The following PHOX2A variants were observed in gnomAD, a reference collection of about 807,000 sequenced individuals.
The protein encoded by PHOX2A is paired mesoderm homeobox protein 2A.
Under a neutral mutation model 16.4 loss-of-function variants are expected in PHOX2A, and 10 were observed. That is an observed-to-expected ratio of 0.61 (90% CI 0.38 to 1.04). The LOEUF (loss-of-function observed/expected upper bound fraction) is 1.04. Among genes scored for constraint, PHOX2A ranks in the 50% least tolerant of loss-of-function variants. The pLI is 0.01. For missense variants in PHOX2A, 361 were observed against 419.4 expected (o/e 0.86, Z 1.22); for synonymous variants, 219 against 203.8 (o/e 1.07, Z -0.64).
At chr11:72,242,596 A>T (rs1452100355) in intron 1 of PHOX2A, among the ~76,000 whole-genome samples, 1 of 151,458 alleles carries the variant, frequency 6.6e-6, no homozygotes. Context: ...CTCCAAATCC[A>T]GGTTCTCATT....
intron 1 of PHOX2A, 138 bp from the exon 2 acceptor site, chr11:72,241,427 G>C: frequency 1.8e-5 from 11 of 621,800 alleles, no homozygotes; most frequent in South Asian, 1.8e-4. Flanking sequence ...TCTTGGTCCC[G>C]GCAGCCTGGG....
Position 72,244,041 on chromosome 11 carries a change from G to A in PHOX2A, c.-37C>T. The A allele has an allele frequency of 9.8e-7, 1 of 1,016,066 alleles. No homozygotes were observed. Among genetic ancestry groups the A allele is most frequent in the Non-Finnish European group, 1.3e-6 (1 of 782,364 alleles). 62.9% of individuals were successfully genotyped at this position (1,016,066 alleles called of 1,614,324 possible). ...GCGGGGGCGGGGGCCGGGCCAGGCC[G>A]GGTCGGGGTCGGGGTCCGGGTGGAG... On this transcript the variant is annotated 5_prime_UTR_variant, in exon 1 of 3. Coordinates refer to ENST00000298231, the MANE Select transcript of PHOX2A (RefSeq NM_005169.4).
chr11:72,241,077 C>T (rs377677013), intron 2 of PHOX2A, 25 bp downstream of exon 2: 20 of 1,610,096 alleles, frequency 1.2e-5, no homozygotes, highest in Non-Finnish European at 1.6e-5. Flanking sequence ...TGCGCACTCT[C>T]GTACACACAC....
At chr11:72,242,184 G>C (rs1949128054) in intron 1 of PHOX2A, among the ~76,000 whole-genome samples, 1 of 151,814 alleles carries the variant, frequency 6.6e-6, no homozygotes, top group Admixed American at 6.6e-5. Flanking sequence ...AGTCTCCACT[G>C]CCCCATAGGT....
At position 72,243,917 on chromosome 11, in the gene PHOX2A, G is replaced by C. The variant is rs778949321; in HGVS notation, c.88C>G (p.Pro30Ala). ...AGGGGGCTGTATTGGAAGCCGCCGG[G>C]CTGGCTGCAGGCGCCAAAGTCGCCG... ...AYGDFGACSQ[P>A]GGFQYSPLRP... The change falls in exon 1 of 3, where the codon CCC becomes GCC. Residue 30 changes from proline to alanine, a missense_variant. Pro to Ala is a conservative substitution (Grantham distance 27). Transcript: ENST00000298231. 1 of 1,301,838 alleles carries C rather than the reference G, an allele frequency of 7.7e-7. No individual in the cohort carries two copies. The highest frequency in any genetic ancestry group is 9.8e-7 in the Non-Finnish European group (1 of 1,019,654). 80.6% of individuals were successfully genotyped at this position (1,301,838 alleles called of 1,614,324 possible). A position where few individuals can be genotyped will look rare whatever the true frequency, so the allele number is the denominator to read the frequency against.
intron 1 of PHOX2A, 127 bp from the exon 2 acceptor site, chr11:72,241,416 G>C (rs547907479): frequency 1.6e-6 from 1 of 645,146 alleles, no homozygotes; most frequent in Non-Finnish European, 2.7e-6. Flanking sequence ...CTGATCCCTC[G>C]TCTTGGTCCC....
rs1422586498 is a variant in PHOX2A, at chr11:72,244,083, G to A, written c.-79C>T. ...CGGGTGGAGGTCGGAAGGGAGGTTCGAGCGCCAGGCTCCGAGGACCCGAGG... is the reference window on the plus strand; with the variant it reads ...CGGGTGGAGGTCGGAAGGGAGGTTCAAGCGCCAGGCTCCGAGGACCCGAGG... On this transcript the variant is annotated 5_prime_UTR_variant, in exon 1 of 3. Coordinates refer to ENST00000298231, the MANE Select transcript of PHOX2A (RefSeq NM_005169.4). The A allele has an allele frequency of 3.0e-6, 2 of 675,208 alleles. No individual in the cohort carries two copies. The highest frequency in any genetic ancestry group is 4.2e-6 in the Non-Finnish European group (2 of 477,282). The allele number at this position is 675,208 out of a possible 1,614,324, so 41.8% of individuals were successfully genotyped here. A position where few individuals can be genotyped will look rare whatever the true frequency, so the allele number is the denominator to read the frequency against.
chr11:72,241,001 G>A (rs79908580), intron 2 of PHOX2A, 101 bp downstream of exon 2: 4 of 1,304,826 alleles, frequency 3.1e-6, no homozygotes, highest in Non-Finnish European at 1.1e-6. Flanking sequence ...CCCTGCCTTC[G>A]GGCTGCATCT....
rs139842297 is a variant in PHOX2A, at chr11:72,240,284, T to C, written c.406-86A>G. 885 of 1,492,266 alleles carry C rather than the reference T, an allele frequency of 5.9e-4. 4 individuals carry two copies. The African/African-American group carries it at 0.011, about 19-fold the overall frequency. The allele number at this position is 1,492,266 out of a possible 1,614,324, so 92.4% of individuals were successfully genotyped here. A position where few individuals can be genotyped will look rare whatever the true frequency, so the allele number is the denominator to read the frequency against. Reference sequence around the variant, plus strand: ...CGGCCGCAAGGCTCGAGTGAGATCCTGGTTCGGAAAGAACCGGGCCCGGGT... The same window carrying C: ...CGGCCGCAAGGCTCGAGTGAGATCCCGGTTCGGAAAGAACCGGGCCCGGGT... On this transcript the variant is annotated intron_variant, in intron 2 of 2. Transcript: ENST00000298231.
At position 72,240,026 on chromosome 11, in the gene PHOX2A, G is replaced by GGCA; in HGVS notation, c.575_577dup (p.Leu192dup). ...GGCCAGGCCGGGCGCAGGCGGCGGC[G>GGCA]GCAGCGAGGCGGTGCTATCGGGCGT... On this transcript the variant is annotated inframe_insertion, in exon 3 of 3. Transcript: ENST00000298231. 1 of 1,442,904 alleles carries GGCA rather than the reference G, an allele frequency of 6.9e-7. No individual in the cohort carries two copies. Among genetic ancestry groups the GGCA allele is most frequent in the Non-Finnish European group, 9.1e-7 (1 of 1,102,996 alleles). 89.4% of individuals were successfully genotyped at this position (1,442,904 alleles called of 1,614,324 possible). A position where few individuals can be genotyped will look rare whatever the true frequency, so the allele number is the denominator to read the frequency against.
At chr11:72,240,984 G>T in intron 2 of PHOX2A, 118 bp downstream of exon 2, 1 of 1,131,712 alleles carries the variant, frequency 8.8e-7, no homozygotes, top group Non-Finnish European at 1.3e-6. Flanking sequence ...AGCACCCTGG[G>T]ACCGCGCCCT....
chr11:72,242,469 C>T (rs1490045098), intron 1 of PHOX2A, among the ~76,000 whole-genome samples: 1 of 152,084 alleles, frequency 6.6e-6, no homozygotes, highest in Admixed American at 6.5e-5. Context: ...CTCTCTGTAC[C>T]TTATCCCCAT....
Position 72,241,303 on chromosome 11 carries a change from C to CGGGGGGGGG in PHOX2A, c.218-15_218-14insCCCCCCCCC. On this transcript the variant is annotated splice_polypyrimidine_tract_variant and intron_variant, in intron 1 of 2. Coordinates refer to ENST00000298231, the MANE Select transcript of PHOX2A (RefSeq NM_005169.4). ...ACTTGTAGGGCACTGCGGGTGTGTG[C>CGGGGGGGGG]AGGGGGGCCGGGGGGGGGGCAAAAA... The CGGGGGGGGG allele has an allele frequency of 1.0e-6, 1 of 997,430 alleles. No homozygotes were observed. 61.8% of individuals were successfully genotyped at this position (997,430 alleles called of 1,614,324 possible).
Position 72,239,507 on chromosome 11 carries a change from G to A in PHOX2A, c.*242C>T, listed in dbSNP as rs1949093126. 2 of 381,908 alleles carry A rather than the reference G, an allele frequency of 5.2e-6. No individual in the cohort carries two copies. The highest frequency in any genetic ancestry group is 9.3e-6 in the Non-Finnish European group (2 of 215,884). The allele number at this position is 381,908 out of a possible 1,614,324, so 23.7% of individuals were successfully genotyped here. A position where few individuals can be genotyped will look rare whatever the true frequency, so the allele number is the denominator to read the frequency against. ...AGAAGGCCAAGCTAGAAGGAGCTCC[G>A]GGGTTCTCCTGGAGGAGGTCCCGGT... is the stretch of plus-strand genomic sequence containing the variant. On this transcript the variant is annotated 3_prime_UTR_variant, in exon 3 of 3. Transcript: ENST00000298231.
intron 2 of PHOX2A, 21 bp downstream of exon 2, chr11:72,241,081 C>A: frequency 6.2e-7 from 1 of 1,611,082 alleles, no homozygotes; most frequent in East Asian, 2.2e-5. Context: ...CACTCTCGTA[C>A]ACACACGTGC....
chr11:72,239,788 G>C lies in PHOX2A; in HGVS notation c.816C>G (p.His272Gln), dbSNP rs1237349515. ...GPFSGVLSSF[H>Q]RKPGPALKTN... ...TCTTCAGGGCGGGGCCGGGCTTCCG[G>C]TGAAAGGAGGACAGAACCCCGGAGA... Residue 272 changes from histidine (H) to glutamine (Q), a missense_variant, in exon 3 of 3, where the codon CAC (histidine) becomes CAG (glutamine). By Grantham distance (24) the His-to-Gln change is conservative (BLOSUM62 0). Coordinates refer to ENST00000298231, the MANE Select transcript of PHOX2A (RefSeq NM_005169.4). 2.2e-6 allele frequency: 3 copies of C among 1,340,740 alleles called. No individual in the cohort carries two copies. The highest frequency in any genetic ancestry group is 2.9e-6 in the Non-Finnish European group (3 of 1,037,218). The allele number at this position is 1,340,740 out of a possible 1,614,324, so 83.1% of individuals were successfully genotyped here.
At position 72,239,826 on chromosome 11, in the gene PHOX2A, C is replaced by A. The variant is rs745442750; in HGVS notation, c.778G>T (p.Gly260Cys). The change falls in exon 3 of 3, where the codon GGC (glycine) becomes TGC (cysteine). Residue 260 changes from glycine to cysteine, a missense_variant. Physicochemically the swap from Gly to Cys is radical, Grantham distance 159 (BLOSUM62 -3). Transcript: ENST00000298231. The stretch of plus-strand genomic sequence containing the variant: ...AGAACCCCGGAGAAGGGCCCGGGGC[C>A]GGACTCCGCCGGCTGCCAAGCCTTA... ...LLKAWQPAES[G>C]PGPFSGVLSS... The A allele has an allele frequency of 1.5e-6, 2 of 1,364,656 alleles. No individual in the cohort carries two copies. Among genetic ancestry groups the A allele is most frequent in the East Asian group, 3.0e-5 (1 of 33,666 alleles). The allele number at this position is 1,364,656 out of a possible 1,614,324, so 84.5% of individuals were successfully genotyped here. A position where few individuals can be genotyped will look rare whatever the true frequency, so the allele number is the denominator to read the frequency against.
intron 1 of PHOX2A, among the ~76,000 whole-genome samples, chr11:72,242,958 C>T (rs1482680105): frequency 6.6e-6 from 1 of 152,100 alleles, no homozygotes; most frequent in Non-Finnish European, 1.5e-5. Context: ...TGAGCCACCG[C>T]GCCTGGCCCT....
At chr11:72,242,113 T>G (rs1218370410) in intron 1 of PHOX2A, among the ~76,000 whole-genome samples, 1 of 151,782 alleles carries the variant, frequency 6.6e-6, no homozygotes, top group Non-Finnish European at 1.5e-5. Context: ...AGGCACCTTC[T>G]CCATGTCCCA....
Sources: gnomAD v4.1 joint callset for allele counts (sites outside exome capture counted in the v4.1 genomes callset) on GRCh38, gnomAD v4.1.1 for gene constraint, MANE v1.5 for transcripts, NCBI Gene and HGNC (gene_info 2026-07-23, HGNC 2026-07-21) for gene names.